ENOX1: variants seen among roughly 807,000 people sequenced by gnomAD.
The protein encoded by ENOX1 is candidate growth-related and time keeping constitutive hydroquinone (NADH) oxidase.
In ENOX1, 42 loss-of-function variants were observed where a neutral mutation model predicts 82.5. The ratio of observed to expected loss-of-function variants is 0.51; its 90% CI spans 0.40 to 0.66. ENOX1 has a LOEUF of 0.66. Among genes scored for constraint, ENOX1 ranks in the 30% least tolerant of loss-of-function variants. ENOX1 has a pLI of 0.00. For synonymous variants in ENOX1, 271 were observed against 282.2 expected, an observed-to-expected ratio of 0.96 and a Z score of 0.40; for missense variants, 608 against 811.6, an observed-to-expected ratio of 0.75 and a Z score of 3.05.
intron 1 of ENOX1, among the ~76,000 whole-genome samples, chr13:43,773,246 T>C (rs1158387347): frequency 1.3e-5 from 2 of 152,250 alleles, no homozygotes; most frequent in Admixed American, 6.5e-5. Flanking sequence ...TTAAGGAGTA[T>C]AGGATTTCCT....
chr13:43,688,075 C>G (rs1490754645), intron 1 of ENOX1, among the ~76,000 whole-genome samples: 1 of 152,034 alleles, frequency 6.6e-6, no homozygotes, highest in Non-Finnish European at 1.5e-5. Context: ...TTGCCCTTAT[C>G]CTAAGGGCAA....
chr13:43,714,444 G>A (rs937171244), intron 1 of ENOX1, among the ~76,000 whole-genome samples: 23 of 152,188 alleles, frequency 1.5e-4, no homozygotes, highest in African/African-American at 5.3e-4. Context: ...TTGCTGCAGA[G>A]CTGAGTTCAA....
intron 11 of ENOX1, among the ~76,000 whole-genome samples, chr13:43,319,722 C>A (rs183747942): frequency 2.4e-3 from 367 of 152,318 alleles, no homozygotes; most frequent in Non-Finnish European, 3.5e-3. Context: ...ATATTCTCTT[C>A]TGGAATTTCC....
Position 43,735,097 on chromosome 13 carries a change from T to C in ENOX1, c.-285+51555A>G, listed in dbSNP as rs570698438. ...TTTTGTTTGAAAGAAAAACCAGTTT[T>C]GTAAGAAAGAAAAAAGAATGTCTAT... On this transcript the variant is annotated intron_variant, in intron 1 of 16. Transcript: ENST00000690772. 6.6e-5 allele frequency among the ~76,000 whole-genome samples: 10 copies of C among 152,276 alleles called. No individual in the cohort carries two copies. The East Asian group carries it at 1.9e-3, about 29-fold the overall frequency.
At chr13:43,462,824 G>A (rs1009100954) in intron 3 of ENOX1, among the ~76,000 whole-genome samples, 4 of 152,132 alleles carry the variant, frequency 2.6e-5, no homozygotes, top group Non-Finnish European at 5.9e-5. Context: ...AACATCAGAC[G>A]AAACTGCTAA....
intron 11 of ENOX1, among the ~76,000 whole-genome samples, chr13:43,313,547 T>C (rs1052901258): frequency 1.3e-5 from 2 of 152,294 alleles, no homozygotes; most frequent in Admixed American, 1.3e-4. Flanking sequence ...TAGTTTTAAT[T>C]ATTTAAATAA....
chr13:43,626,115 A>G (rs2082951017), intron 2 of ENOX1, among the ~76,000 whole-genome samples: 1 of 151,792 alleles, frequency 6.6e-6, no homozygotes, highest in African/African-American at 2.4e-5. Context: ...TAAGTTGTCA[A>G]ATTCATGTCA....
chr13:43,448,960 T>A (rs2056807550), intron 3 of ENOX1, among the ~76,000 whole-genome samples: 1 of 152,226 alleles, frequency 6.6e-6, no homozygotes, highest in African/African-American at 2.4e-5. Context: ...TAAGTGAAAC[T>A]TAAAATGAAA....
intron 1 of ENOX1, among the ~76,000 whole-genome samples, chr13:43,677,856 A>C (rs1457951366): frequency 6.6e-6 from 1 of 152,134 alleles, no homozygotes; most frequent in African/African-American, 2.4e-5. Flanking sequence ...AGAATATACT[A>C]TTAGTCTATT....
At chr13:43,318,075 C>T (rs1481027336) in intron 11 of ENOX1, among the ~76,000 whole-genome samples, 1 of 151,848 alleles carries the variant, frequency 6.6e-6, no homozygotes, top group Non-Finnish European at 1.5e-5. Flanking sequence ...CTCAGAAAAA[C>T]ACTCTTCATA....
At chr13:43,508,812 C>T (rs1190508162) in intron 2 of ENOX1, among the ~76,000 whole-genome samples, 1 of 151,892 alleles carries the variant, frequency 6.6e-6, no homozygotes, top group Non-Finnish European at 1.5e-5. Flanking sequence ...AACATAGAAA[C>T]AGCTAAAAAA....
intron 5 of ENOX1, among the ~76,000 whole-genome samples, chr13:43,380,910 T>C (rs1188106856): frequency 1.3e-5 from 2 of 151,594 alleles, no homozygotes; most frequent in Admixed American, 1.3e-4. Context: ...ATATATGAAA[T>C]AAAAACTAAT....
intron 3 of ENOX1, among the ~76,000 whole-genome samples, chr13:43,413,377 GT>G (rs2054251736): frequency 6.6e-6 from 1 of 152,056 alleles, no homozygotes; most frequent in South Asian, 2.1e-4. Flanking sequence ...ATTTTTTTAA[GT>G]TAAAAAATTA....
At chr13:43,717,012 G>T (rs962872330) in intron 1 of ENOX1, among the ~76,000 whole-genome samples, 1 of 152,036 alleles carries the variant, frequency 6.6e-6, no homozygotes, top group African/African-American at 2.4e-5. Flanking sequence ...AAATACTAAC[G>T]CTGTTTTTCA....
intron 2 of ENOX1, among the ~76,000 whole-genome samples, chr13:43,598,979 T>C (rs765384950): frequency 5.9e-5 from 9 of 152,116 alleles, no homozygotes; most frequent in Non-Finnish European, 1.3e-4. Context: ...GTGCCTTAAT[T>C]CAATTGAAGT....
chr13:43,390,252 T>G (rs141581144), intron 5 of ENOX1, among the ~76,000 whole-genome samples: 97 of 152,280 alleles, frequency 6.4e-4, no homozygotes, highest in Non-Finnish European at 2.9e-5. Flanking sequence ...AATCATGGCA[T>G]ATAAATGAGC....
At chr13:43,499,422 A>G (rs982829623) in intron 2 of ENOX1, among the ~76,000 whole-genome samples, 2 of 152,156 alleles carry the variant, frequency 1.3e-5, no homozygotes, top group Non-Finnish European at 2.9e-5. Context: ...CTACTTCCAA[A>G]AAAGACACAG....
At chr13:43,277,639 C>T (rs143310489) in intron 12 of ENOX1, among the ~76,000 whole-genome samples, 3 of 152,284 alleles carry the variant, frequency 2.0e-5, no homozygotes, top group African/African-American at 4.8e-5. Flanking sequence ...TACATCTGAG[C>T]AATGTCTCCC....
chr13:43,215,623 G>T (rs1469730630), intron 16 of ENOX1, among the ~76,000 whole-genome samples: 1 of 152,166 alleles, frequency 6.6e-6, no homozygotes, highest in East Asian at 1.9e-4. Context: ...ACACAACTTG[G>T]GAAAGAACCC....
Sources: allele counts gnomAD v4.1 joint callset (sites outside exome capture counted in the v4.1 genomes callset), GRCh38; gene constraint gnomAD v4.1.1; transcripts MANE v1.5; gene names NCBI Gene and HGNC (gene_info 2026-07-23, HGNC 2026-07-21).